RGS3: variants seen among roughly 807,000 people sequenced by gnomAD.
RGS3 encodes the protein regulator of G-protein signalling 3.
Under a neutral mutation model 132.6 loss-of-function variants are expected in RGS3, and 80 were observed. The ratio of observed to expected loss-of-function variants is 0.60; its 90% CI spans 0.50 to 0.73. The LOEUF (loss-of-function observed/expected upper bound fraction) is 0.73, where lower values mean the gene tolerates loss of function less well. RGS3 is among the 30% of genes least tolerant of loss of function. The pLI is 0.00. For synonymous variants in RGS3, 598 were observed against 620.6 expected (o/e 0.96, Z 0.54); for missense variants, 1,382 against 1,530.8 (o/e 0.90, Z 1.62).
rs758611351 is a variant in RGS3, at chr9:113,507,914, CT to C, written c.1437+280del. ...AGGAAGAGCTTTCTACTAGCCTGTG[CT>C]TTTCCCCAGTGGAATGGGCTGCCTT... On this transcript the variant is annotated intron_variant, in intron 13 of 24. Coordinates refer to ENST00000350696, the Ensembl canonical transcript of RGS3. This position sits in a 1 kb window ranked among gnomAD's most constrained non-coding sequence, Gnocchi z 5.0. 1.1e-4 allele frequency among the ~76,000 whole-genome samples: 17 copies of C among 152,192 alleles called. No individual in the cohort carries two copies. The highest frequency in any genetic ancestry group is 2.5e-4 in the Non-Finnish European group (17 of 68,030).
At chr9:113,555,581 C>T (rs938502695) in intron 19 of RGS3, among the ~76,000 whole-genome samples, 5 of 152,098 alleles carry the variant, frequency 3.3e-5, no homozygotes, top group Non-Finnish European at 5.9e-5. Context: ...ATTCTCCTAC[C>T]TCAGCCTTCT....
chr9:113,465,745 C>G (rs1165373769), intron 3 of RGS3, among the ~76,000 whole-genome samples: 1 of 152,134 alleles, frequency 6.6e-6, no homozygotes, highest in Non-Finnish European at 1.5e-5. Flanking sequence ...GAACAAGTGA[C>G]TGTGACCTGA....
At chr9:113,522,331 G>A (rs1361995935) in intron 16 of RGS3, 7 of 152,304 alleles carry the variant, frequency 4.6e-5, no homozygotes, top group Admixed American at 4.6e-4. Context: ...AAAGCTCTTG[G>A]AAGGATCCTG....
intron 22 of RGS3, 75 bp downstream of exon 20, chr9:113,594,606 G>A (rs1305091117): frequency 3.9e-6 from 5 of 1,268,176 alleles, no homozygotes; most frequent in Non-Finnish European, 5.6e-6. Flanking sequence ...GAGTGGTAGG[G>A]TTGAGGGGAA....
chr9:113,596,414 G>A (rs1835781251), intron 24 of RGS3, among the ~76,000 whole-genome samples: 1 of 152,192 alleles, frequency 6.6e-6, no homozygotes, highest in African/African-American at 2.4e-5. Flanking sequence ...TGGTTTTCAC[G>A]CTTTGAGGAA....
intron 3 of RGS3, 125 bp from the exon 2 acceptor site, chr9:113,479,366 A>T (rs1830089530): frequency 1.0e-6 from 1 of 967,560 alleles, no homozygotes; most frequent in Non-Finnish European, 1.6e-6. Context: ...CCAGCCAGAG[A>T]CTTGTGTGAG....
chr9:113,539,768 A>C (rs748682136), intron 19 of RGS3, among the ~76,000 whole-genome samples: 2 of 152,244 alleles, frequency 1.3e-5, no homozygotes, highest in Non-Finnish European at 2.9e-5. Context: ...GTCTTAAGGA[A>C]TGTAAAGCTC....
At chr9:113,476,320 C>A (rs1222950624) in intron 3 of RGS3, among the ~76,000 whole-genome samples, 2 of 152,102 alleles carry the variant, frequency 1.3e-5, no homozygotes, top group Non-Finnish European at 2.9e-5. Flanking sequence ...GGGCCCAGAG[C>A]AAATCACCTT....
chr9:113,577,929 A>T (rs1187130389), intron 19 of RGS3, among the ~76,000 whole-genome samples: 1 of 152,254 alleles, frequency 6.6e-6, no homozygotes, highest in African/African-American at 2.4e-5. Context: ...GACAAGGATC[A>T]TGTCTTTCTT....
rs962455646 is a variant in RGS3 at position 113,537,968 on chromosome 9, T to C, written c.2037+1050T>C. Among the ~76,000 whole-genome samples the C allele has an allele frequency of 6.6e-6, 1 of 152,164 alleles. No homozygotes were observed. Among genetic ancestry groups the C allele is most frequent in the Admixed American group, 6.5e-5 (1 of 15,278 alleles). ...CGTTCTCTTGTTTTACACTAGCTAG[T>C]GGCAAGAATAACTTGGATGAGGGAA... On this transcript the variant is annotated intron_variant, in intron 19 of 24. Coordinates refer to ENST00000350696, the Ensembl canonical transcript of RGS3. This position sits in a 1 kb window ranked among gnomAD's most constrained non-coding sequence, Gnocchi z 4.3.
chr9:113,473,300 G>A (rs935355649), intron 3 of RGS3, among the ~76,000 whole-genome samples: 2 of 152,186 alleles, frequency 1.3e-5, no homozygotes, highest in Non-Finnish European at 2.9e-5. Flanking sequence ...GTATAGAGAG[G>A]CTAACAGTGG....
intron 19 of RGS3, among the ~76,000 whole-genome samples, chr9:113,558,966 G>T (rs1190800927): frequency 5.3e-5 from 8 of 152,236 alleles, no homozygotes; most frequent in Admixed American, 3.3e-4. Context: ...TTAGAGACAG[G>T]GAAACTGAGG....
chr9:113,463,772 GACGC>G lies in RGS3; in HGVS notation c.415+1572_415+1575del. The G allele has an allele frequency of 6.3e-7, 1 of 1,587,226 alleles. No homozygotes were observed. Among genetic ancestry groups the G allele is most frequent in the Non-Finnish European group, 8.6e-7 (1 of 1,168,336 alleles). ...AGCAACACAGCCGCCTCGGGTTGCAGACGCTCCTGTCCGGGTCGCAGTGGGACGC... is the reference window on the plus strand; with the variant it reads ...AGCAACACAGCCGCCTCGGGTTGCAGTCCTGTCCGGGTCGCAGTGGGACGC... On this transcript the variant is annotated intron_variant, in intron 3 of 24. Transcript: ENST00000350696. This position sits in a 1 kb window ranked among gnomAD's most constrained non-coding sequence, Gnocchi z 4.6.
At chr9:113,572,536 A>G (rs1834336783) in intron 19 of RGS3, among the ~76,000 whole-genome samples, 1 of 152,028 alleles carries the variant, frequency 6.6e-6, no homozygotes, top group Admixed American at 6.5e-5. Flanking sequence ...TGGGCACCCC[A>G]CCACCACCCA....
intron 3 of RGS3, among the ~76,000 whole-genome samples, chr9:113,468,504 T>A (rs1443287195): frequency 6.6e-6 from 1 of 152,208 alleles, no homozygotes; most frequent in East Asian, 1.9e-4. Flanking sequence ...ATTTTGTTCT[T>A]CTCTTTCAAG....
At chr9:113,524,475 C>A (rs1832107608) in intron 17 of RGS3, among the ~76,000 whole-genome samples, 2 of 152,168 alleles carry the variant, frequency 1.3e-5, no homozygotes, top group South Asian at 4.1e-4. Flanking sequence ...TAACCCAGGA[C>A]CCTGGTTTGC....
chr9:113,483,588 CA>C (rs1452387269), intron 5 of RGS3, among the ~76,000 whole-genome samples: 1 of 152,152 alleles, frequency 6.6e-6, no homozygotes, highest in Non-Finnish European at 1.5e-5. Context: ...CAGTGAGAGC[CA>C]AAGGCCAGGA....
intron 4 of RGS3, among the ~76,000 whole-genome samples, chr9:113,482,102 A>G (rs1830182712): frequency 6.6e-6 from 1 of 152,004 alleles, no homozygotes; most frequent in Admixed American, 6.6e-5. Flanking sequence ...ATCCAGACGT[A>G]AAAGAAAATA....
chr9:113,552,390 C>T (rs1007165540), intron 19 of RGS3, among the ~76,000 whole-genome samples: 1 of 152,138 alleles, frequency 6.6e-6, no homozygotes, highest in African/African-American at 2.4e-5. Context: ...GATCTCGGCT[C>T]ATTGCAAGAC....
Sources: gnomAD v4.1 joint callset for allele counts (sites outside exome capture counted in the v4.1 genomes callset) on GRCh38, gnomAD v4.1.1 for gene constraint, Gnocchi (gnomAD v3.1) non-coding constraint, MANE v1.5 for transcripts, NCBI Gene and HGNC (gene_info 2026-07-23, HGNC 2026-07-21) for gene names.